Variants in AVEN observed in about 807,000 individuals in gnomAD.
AVEN encodes the protein apoptosis and caspase activation inhibitor.
In AVEN, 41 loss-of-function variants were observed where a neutral mutation model predicts 38.1. The ratio of observed to expected loss-of-function variants is 1.08; its 90% CI spans 0.84 to 1.40. AVEN has a LOEUF of 1.40. Among genes scored for constraint, AVEN ranks in the 40% most tolerant of loss-of-function variants. The probability of loss-of-function intolerance (pLI) is 0.00; values close to 1 mark genes in which losing one functional copy is unlikely to be tolerated. For synonymous variants in AVEN, 206 were observed against 171.8 expected, an observed-to-expected ratio of 1.20 and a Z score of -1.56; for missense variants, 605 against 438.8, an observed-to-expected ratio of 1.38 and a Z score of -3.38.
intron 2 of AVEN, among the ~76,000 whole-genome samples, chr15:33,942,235 T>G (rs1327426383): frequency 6.6e-6 from 1 of 152,194 alleles, no homozygotes; most frequent in African/African-American, 2.4e-5. Flanking sequence ...TTTGTATAAT[T>G]TTAAGATCAC....
intron 5 of AVEN, among the ~76,000 whole-genome samples, chr15:34,049,467 C>T (rs942505218): frequency 1.3e-5 from 2 of 151,970 alleles, no homozygotes; most frequent in African/African-American, 4.8e-5. Context: ...AGTTTGAAGA[C>T]TATTTTTCTG....
intron 2 of AVEN, among the ~76,000 whole-genome samples, chr15:33,941,406 A>C (rs1382695168): frequency 6.6e-6 from 1 of 152,200 alleles, no homozygotes; most frequent in Non-Finnish European, 1.5e-5. Flanking sequence ...ACGAACAGTA[A>C]GACTTTCCTC....
chr15:33,945,709 C>T (rs556390152), intron 2 of AVEN, among the ~76,000 whole-genome samples: 1 of 152,254 alleles, frequency 6.6e-6, no homozygotes, highest in South Asian at 2.1e-4. Context: ...CCTCAGCCTC[C>T]TGAGTAGCTG....
chr15:34,002,838 T>C (rs560642226), intron 2 of AVEN, among the ~76,000 whole-genome samples, 194 bp downstream of exon 2: 1 of 152,212 alleles, frequency 6.6e-6, no homozygotes, highest in Non-Finnish European at 1.5e-5. Context: ...CATCGGTACA[T>C]GGAAACCCTT....
intron 4 of AVEN, among the ~76,000 whole-genome samples, chr15:33,869,066 A>G (rs555101072): frequency 1.7e-4 from 26 of 152,188 alleles, no homozygotes; most frequent in Non-Finnish European, 2.6e-4. Flanking sequence ...AAACATCCTG[A>G]GCAGACATGT....
intron 2 of AVEN, among the ~76,000 whole-genome samples, chr15:33,951,131 C>G (rs532657462): frequency 2.6e-5 from 4 of 152,044 alleles, no homozygotes; most frequent in African/African-American, 9.6e-5. Context: ...TGAGAGGTGG[C>G]AGGAGACTTC....
chr15:33,995,155 T>A (rs1472501264), intron 2 of AVEN, among the ~76,000 whole-genome samples: 2 of 152,002 alleles, frequency 1.3e-5, no homozygotes, highest in African/African-American at 2.4e-5. Flanking sequence ...TCCCACCTAC[T>A]CAGGAGGCTG....
chr15:34,023,161 C>G (rs1597363046), intron 1 of AVEN, among the ~76,000 whole-genome samples: 1 of 151,854 alleles, frequency 6.6e-6, no homozygotes, highest in Non-Finnish European at 1.5e-5. Flanking sequence ...AGCCTGGCAA[C>G]AGAGCGAGAC....
At chr15:33,904,110 T>C (rs946884473) in intron 2 of AVEN, among the ~76,000 whole-genome samples, 31 of 152,212 alleles carry the variant, frequency 2.0e-4, no homozygotes, top group Admixed American at 1.4e-3. Context: ...CATGACTGTA[T>C]ATGCATATAT....
intron 2 of AVEN, chr15:33,968,950 C>G (rs775549743): frequency 6.6e-6 from 1 of 152,008 alleles, no homozygotes; most frequent in Admixed American, 6.6e-5. Context: ...ATAATCCTAT[C>G]CAAATGGAGT....
At chr15:33,889,229 A>G (rs886471385) in intron 2 of AVEN, among the ~76,000 whole-genome samples, 1 of 152,218 alleles carries the variant, frequency 6.6e-6, no homozygotes, top group Non-Finnish European at 1.5e-5. Context: ...GCTGTACTAC[A>G]AAGACTTTAA....
intron 2 of AVEN, among the ~76,000 whole-genome samples, chr15:33,945,422 A>T (rs1440980203): frequency 6.6e-6 from 1 of 151,968 alleles, no homozygotes; most frequent in Non-Finnish European, 1.5e-5. Context: ...GATGCCCTGA[A>T]CCCATCCTAG....
chr15:33,948,025 C>T (rs1894571921), intron 2 of AVEN, among the ~76,000 whole-genome samples: 1 of 152,042 alleles, frequency 6.6e-6, no homozygotes, highest in Non-Finnish European at 1.5e-5. Flanking sequence ...ATTAGATCTT[C>T]ATCTGAGACC....
chr15:33,868,449 G>A lies in AVEN; in HGVS notation c.613-594C>T, dbSNP rs1400300225. ...AGTCCCAGCTACTCGGGAGGCTGAG[G>A]CAGGAGAATGGCGTGAACCTGGGAG... On this transcript the variant is annotated intron_variant, in intron 4 of 5. Coordinates refer to ENST00000306730, the MANE Select transcript of AVEN (RefSeq NM_020371.3). 6.0e-5 allele frequency among the ~76,000 whole-genome samples: 9 copies of A among 150,862 alleles called. No homozygotes were observed. The East Asian group carries it at 1.8e-3, about 30-fold the overall frequency.
At chr15:33,923,656 G>A (rs1476288781) in intron 2 of AVEN, among the ~76,000 whole-genome samples, 2 of 152,082 alleles carry the variant, frequency 1.3e-5, no homozygotes, top group Non-Finnish European at 2.9e-5. Context: ...GCCATATTTG[G>A]CCCTCAAGTG....
chr15:33,905,033 G>C (rs1296575149), intron 2 of AVEN, among the ~76,000 whole-genome samples: 1 of 151,496 alleles, frequency 6.6e-6, no homozygotes, highest in Non-Finnish European at 1.5e-5. Context: ...AGGAGGCTGA[G>C]GCAGGAGAAT....
intron 4 of AVEN, among the ~76,000 whole-genome samples, chr15:33,869,487 A>C (rs1044732238): frequency 3.3e-5 from 5 of 152,192 alleles, no homozygotes; most frequent in Non-Finnish European, 7.3e-5. Context: ...TATGAGATCA[A>C]GCCAAGCACT....
intron 1 of AVEN, chr15:34,007,108 G>A (rs1567462717): frequency 1.0e-6 from 1 of 957,164 alleles, no homozygotes; most frequent in East Asian, 1.2e-4. Context: ...AGATTAATAA[G>A]CTGAAGACCT....
At chr15:33,908,715 T>G (rs374474388) in intron 2 of AVEN, among the ~76,000 whole-genome samples, 50 of 152,248 alleles carry the variant, frequency 3.3e-4, no homozygotes, top group African/African-American at 1.2e-3. Flanking sequence ...TGTATCACAT[T>G]TATTCATTTA....
Sources: allele counts gnomAD v4.1 joint callset (sites outside exome capture counted in the v4.1 genomes callset), GRCh38; gene constraint gnomAD v4.1.1; transcripts MANE v1.5; gene names NCBI Gene and HGNC (gene_info 2026-07-23, HGNC 2026-07-21).